GLIS3: variants seen among roughly 807,000 people sequenced by gnomAD.
The protein encoded by GLIS3 is zinc finger protein GLIS3.
In GLIS3, 53 loss-of-function variants were observed where a neutral mutation model predicts 78.6. The observed-to-expected ratio is 0.67, with a 90% CI of 0.54 to 0.85. The LOEUF is 0.85. Among genes scored for constraint, GLIS3 ranks in the 40% least tolerant of loss-of-function variants. The pLI, the probability that GLIS3 is intolerant of heterozygous loss-of-function variation, is 0.00. For missense variants in GLIS3, 1,703 were observed against 1,231.1 expected (o/e 1.38, Z -5.74); for synonymous variants, 684 against 509.9 (o/e 1.34, Z -4.60).
chr9:4,336,203 C>T (rs1187692271), intron 2 of GLIS3, among the ~76,000 whole-genome samples: 1 of 152,158 alleles, frequency 6.6e-6, no homozygotes, highest in Non-Finnish European at 1.5e-5. Flanking sequence ...TGGGAGTCTC[C>T]AAAAAGCATC....
intron 4 of GLIS3, among the ~76,000 whole-genome samples, chr9:3,967,917 G>A (rs950653662): frequency 6.6e-6 from 1 of 152,170 alleles, no homozygotes; most frequent in Non-Finnish European, 1.5e-5. Flanking sequence ...AAAATACTTT[G>A]TGCATTGTTG....
chr9:4,482,642 C>CAT, the GLIS3 span, among the ~76,000 whole-genome samples: 1 of 152,196 alleles, frequency 6.6e-6, no homozygotes, highest in Non-Finnish European at 1.5e-5. Flanking sequence ...TACTCAGAAG[C>CAT]TGATGTCTTA....
At chr9:4,348,534 G>T (rs1216198469), upstream of GLIS3, 3 of 152,138 alleles carry the variant, frequency 2.0e-5, no homozygotes, top group African/African-American at 7.2e-5. Context: ...CTCGGTCAAT[G>T]GCCACACCTA....
At chr9:4,214,418 C>CG (rs1820642943) in intron 2 of GLIS3, among the ~76,000 whole-genome samples, 1 of 152,184 alleles carries the variant, frequency 6.6e-6, no homozygotes. Flanking sequence ...ATCAATATCT[C>CG]CATCGGCACG....
At chr9:4,084,056 C>T (rs1324731797) in intron 4 of GLIS3, among the ~76,000 whole-genome samples, 1 of 152,004 alleles carries the variant, frequency 6.6e-6, no homozygotes, top group African/African-American at 2.4e-5. Flanking sequence ...AGTCTGAGGC[C>T]AGGATTTTTA....
chr9:3,890,751 C>A (rs1374926808), intron 7 of GLIS3, among the ~76,000 whole-genome samples: 1 of 148,780 alleles, frequency 6.7e-6, no homozygotes, highest in Non-Finnish European at 1.5e-5. Context: ...ACAAACCAAA[C>A]AACAACAACA....
chr9:4,001,826 G>C (rs1459040314), intron 4 of GLIS3, among the ~76,000 whole-genome samples: 1 of 152,116 alleles, frequency 6.6e-6, no homozygotes, highest in African/African-American at 2.4e-5. Flanking sequence ...TATGCCATCT[G>C]GATACATCTT....
chr9:4,354,290 T>G, the GLIS3 span, among the ~76,000 whole-genome samples: 1 of 152,166 alleles, frequency 6.6e-6, no homozygotes, highest in East Asian at 1.9e-4. Context: ...GAGACCTTTT[T>G]GTGTGTTTGA....
chr9:3,925,366 C>A (rs371927776), intron 6 of GLIS3, among the ~76,000 whole-genome samples: 2 of 152,256 alleles, frequency 1.3e-5, no homozygotes, highest in African/African-American at 4.8e-5. Context: ...CTTCTAAATC[C>A]TCAGAGCTGG....
intron 4 of GLIS3, among the ~76,000 whole-genome samples, chr9:4,046,746 T>C (rs1183797084): frequency 6.6e-6 from 1 of 152,186 alleles, no homozygotes; most frequent in African/African-American, 2.4e-5. Flanking sequence ...GAACTCTAAA[T>C]TGTATTATAT....
the GLIS3 span, among the ~76,000 whole-genome samples, chr9:4,410,770 A>G: frequency 6.6e-6 from 1 of 152,186 alleles, no homozygotes; most frequent in African/African-American, 2.4e-5. Flanking sequence ...TTTAGCTCAT[A>G]TTTAACTGCC....
rs754856229 is a variant in GLIS3, at chr9:3,825,180, T to C, written c.*3092A>G. ...TGACGGCTGGTAATTTAGAAACAACTGAACAAAGCCAACACTCTTATCAGT... is the reference window on the plus strand; with the variant it reads ...TGACGGCTGGTAATTTAGAAACAACCGAACAAAGCCAACACTCTTATCAGT... On this transcript the variant is annotated 3_prime_UTR_variant, in exon 11 of 11. Coordinates refer to ENST00000381971, the MANE Select transcript of GLIS3 (RefSeq NM_001042413.2). 1.3e-5 allele frequency: 2 copies of C among 152,140 alleles called. No homozygotes were observed. Among genetic ancestry groups the C allele is most frequent in the South Asian group, 2.1e-4 (1 of 4,832 alleles). 9.4% of individuals were successfully genotyped at this position (152,140 alleles called of 1,614,324 possible). A position where few individuals can be genotyped will look rare whatever the true frequency, so the allele number is the denominator to read the frequency against.
At chr9:3,870,596 G>C (rs915839994) in intron 8 of GLIS3, among the ~76,000 whole-genome samples, 7 of 152,204 alleles carry the variant, frequency 4.6e-5, no homozygotes, top group African/African-American at 1.7e-4. Context: ...AAGGCAAAGA[G>C]AATGAGGAGG....
At chr9:4,229,796 CA>C (rs1271724177) in intron 2 of GLIS3, among the ~76,000 whole-genome samples, 4 of 152,198 alleles carry the variant, frequency 2.6e-5, no homozygotes. Flanking sequence ...TACTTGAATA[CA>C]CATCACATCA....
At chr9:4,002,161 G>C (rs1053910195) in intron 4 of GLIS3, among the ~76,000 whole-genome samples, 2 of 152,222 alleles carry the variant, frequency 1.3e-5, no homozygotes, top group African/African-American at 4.8e-5. Flanking sequence ...TCATTGAGTA[G>C]TAGGAGATGT....
intron 2 of GLIS3, among the ~76,000 whole-genome samples, chr9:4,265,942 G>T (rs570555088): frequency 8.8e-6 from 1 of 113,404 alleles, no homozygotes; most frequent in East Asian, 2.6e-4. Context: ...GTTTGGAGAC[G>T]GAGTCTCACT....
intron 6 of GLIS3, among the ~76,000 whole-genome samples, chr9:3,927,034 C>T (rs1242730017): frequency 1.3e-5 from 2 of 152,200 alleles, no homozygotes; most frequent in African/African-American, 4.8e-5. Flanking sequence ...TGTTAACATC[C>T]GTATCAGTTC....
intron 4 of GLIS3, among the ~76,000 whole-genome samples, 170 bp downstream of exon 4, chr9:4,117,598 C>A (rs1043348369): frequency 1.1e-4 from 17 of 152,128 alleles, no homozygotes; most frequent in African/African-American, 4.1e-4. Flanking sequence ...TGGAGAGCCA[C>A]TAACCATGAA....
chr9:4,361,863 A>C, the GLIS3 span, among the ~76,000 whole-genome samples: 2 of 152,228 alleles, frequency 1.3e-5, no homozygotes, highest in Non-Finnish European at 2.9e-5. Flanking sequence ...CCCCAATGGT[A>C]AAGGGAGGGA....
Sources: gnomAD v4.1 joint callset for allele counts (sites outside exome capture counted in the v4.1 genomes callset) on GRCh38, gnomAD v4.1.1 for gene constraint, MANE v1.5 for transcripts, NCBI Gene and HGNC (gene_info 2026-07-23, HGNC 2026-07-21) for gene names.